Variants in LAMA5 observed in about 807,000 individuals in gnomAD.
LAMA5 encodes the protein laminin subunit alpha 5.
A neutral mutation model predicts 433.4 loss-of-function variants in LAMA5; 260 were observed. The ratio of observed to expected loss-of-function variants is 0.60; its 90% CI spans 0.54 to 0.66. The LOEUF (loss-of-function observed/expected upper bound fraction) is 0.66. Ranked by LOEUF, LAMA5 falls within the 30% of genes least tolerant of loss-of-function variation. The probability of loss-of-function intolerance (pLI) is 0.00; values close to 1 mark genes in which losing one functional copy is unlikely to be tolerated. For synonymous variants in LAMA5, 2,620 were observed against 2,226.6 expected (o/e 1.18, Z -4.97); for missense variants, 5,378 against 5,258.5 (o/e 1.02, Z -0.70).
rs146293440 is a variant in LAMA5, at chr20:62,325,420, G to A, written c.5425C>T (p.Arg1809Cys). ...FSQISSAVFLRRVALEVASPA... is the reference protein window; with the variant it reads ...FSQISSAVFLCRVALEVASPA... The stretch of plus-strand genomic sequence containing the variant: ...CTGGCCACCTCCAGTGCCACCCTGC[G>A]CAGGAAGACAGCCGAGGAGATCTGT... Residue 1809 changes from arginine (R) to cysteine (C), a missense_variant, in exon 41 of 80, where the codon CGC (arginine) becomes TGC (cysteine). Physicochemically the swap from Arg to Cys is radical, Grantham distance 180. Coordinates refer to ENST00000252999, the MANE Select transcript of LAMA5 (RefSeq NM_005560.6). 313 of 1,612,256 alleles carry A rather than the reference G, an allele frequency of 1.9e-4. No individual in the cohort carries two copies. Among genetic ancestry groups the A allele is most frequent in the South Asian group, 1.4e-3 (124 of 91,044 alleles).
chr20:62,329,969 C>T, intron 31 of LAMA5, 53 bp from the exon 32 acceptor site: 1 of 1,588,936 alleles, frequency 6.3e-7, no homozygotes, highest in Non-Finnish European at 8.5e-7. Context: ...GCCCCCAAGA[C>T]ACCCAGAGGG....
chr20:62,322,733 T>G lies in LAMA5; in HGVS notation c.6090A>C (p.Thr2030=). 1 of 1,525,150 alleles carries G rather than the reference T, an allele frequency of 6.6e-7. No individual in the cohort carries two copies. The highest frequency in any genetic ancestry group is 8.8e-7 in the Non-Finnish European group (1 of 1,137,740). 94.5% of individuals were successfully genotyped at this position (1,525,150 alleles called of 1,614,324 possible). Residue 2030 remains threonine (T), a synonymous_variant, in exon 46 of 80, where the codon ACA becomes ACC. Transcript: ENST00000252999. ...GCCCGCTGTGGGGGTCGCAGGCCTC[T>G]GTCCCACATGGGGTACAGTCGCACC... ...CTRCDCTPCG[T]EACDPHSGHC... is the part of the protein sequence containing the mutation.
intron 6 of LAMA5, among the ~76,000 whole-genome samples, chr20:62,348,863 T>C (rs1983761003): frequency 6.6e-6 from 1 of 151,582 alleles, no homozygotes; most frequent in Admixed American, 6.6e-5. Context: ...GAAATAGAAA[T>C]TATGAGAAGG....
chr20:62,327,176 T>C, intron 38 of LAMA5, 57 bp downstream of exon 38: 2 of 1,431,848 alleles, frequency 1.4e-6, no homozygotes, highest in African/African-American at 1.4e-5. Context: ...CTCCCAACCC[T>C]CTCAGGCGTC....
Position 62,313,163 on chromosome 20 carries a change from G to A in LAMA5, c.8880C>T (p.Ile2960=). ...CCTGCTCGAAGCGCTTGGTGGTGCT[G>A]ATCTGACTGTCGAAGCTGATGCGGG... ...GFARISFDSQ[I]STTKRFEQEL... is the part of the protein sequence containing the mutation. Residue 2960 remains isoleucine (I), a synonymous_variant, in exon 65 of 80, where the codon ATC becomes ATT. Transcript: ENST00000252999. The A allele has an allele frequency of 6.2e-7, 1 of 1,600,046 alleles. No homozygotes were observed. Among genetic ancestry groups the A allele is most frequent in the Middle Eastern group, 1.7e-4 (1 of 6,046 alleles).
chr20:62,324,284 C>T lies in LAMA5; in HGVS notation c.5644-80G>A. ...GTCTGTGCAGCTCCCACCACCCCTG[C>T]CTCAGACTCTGTGCCCAAGGCCAGA... On this transcript the variant is annotated intron_variant, in intron 42 of 79. Coordinates refer to ENST00000252999, the MANE Select transcript of LAMA5 (RefSeq NM_005560.6). This position sits in a 1 kb window ranked among gnomAD's most constrained non-coding sequence, Gnocchi z 4.4. 1 of 1,537,620 alleles carries T rather than the reference C, an allele frequency of 6.5e-7. No homozygotes were observed. Among genetic ancestry groups the T allele is most frequent in the South Asian group, 1.2e-5 (1 of 83,686 alleles).
In LAMA5 at chr20:62,315,080, C is replaced by G. The variant is rs1422274153; in HGVS notation, c.7995G>C (p.Glu2665Asp). The change falls in exon 59 of 80, where the codon GAG becomes GAC. Residue 2665 changes from glutamate to aspartate, a missense_variant. Physicochemically the swap from Glu to Asp is conservative, Grantham distance 45 (BLOSUM62 2). Transcript: ENST00000252999. ...GGCCCAGGTCCTGGCCCCGCAGGCCCTCGTACTGGCCCTGCCACCGCTCCA... is the reference window on the plus strand; with the variant it reads ...GGCCCAGGTCCTGGCCCCGCAGGCCGTCGTACTGGCCCTGCCACCGCTCCA... ...ENVERWQGQY[E>D]GLRGQDLGQA... The G allele has an allele frequency of 3.1e-6, 5 of 1,603,448 alleles. No individual in the cohort carries two copies. Among genetic ancestry groups the G allele is most frequent in the Non-Finnish European group, 4.2e-6 (5 of 1,179,548 alleles).
rs768661825 is a variant in LAMA5 at position 62,338,631 on chromosome 20, G to C, written c.1478-23C>G. On this transcript the variant is annotated intron_variant, in intron 11 of 79. Coordinates refer to ENST00000252999, the MANE Select transcript of LAMA5 (RefSeq NM_005560.6). ...AATCTGGAGGGTGGGGACAGGCAGGGGAGTCTCAGATGCCCTGCAGACCCC... is the reference window on the plus strand; with the variant it reads ...AATCTGGAGGGTGGGGACAGGCAGGCGAGTCTCAGATGCCCTGCAGACCCC... 1.9e-6 allele frequency: 3 copies of C among 1,598,142 alleles called. No homozygotes were observed. The Admixed American group carries it at 5.1e-5, about 27-fold the overall frequency.
chr20:62,314,976 C>A, intron 59 of LAMA5, 29 bp from the exon 60 acceptor site: 1 of 1,578,728 alleles, frequency 6.3e-7, no homozygotes, highest in Non-Finnish European at 8.6e-7. Flanking sequence ...GAGACCTTTG[C>A]CCCCCACCGT....
chr20:62,311,816 T>TTGGGCGCCC, intron 70 of LAMA5, 32 bp from the exon 71 acceptor site: 1 of 1,521,012 alleles, frequency 6.6e-7, no homozygotes, highest in Non-Finnish European at 8.9e-7. Flanking sequence ...GCTCGGTTTT[T>TTGGGCGCCC]CCCCACCCTG....
chr20:62,362,346 C>T (rs1986227684), intron 2 of LAMA5, 54 bp downstream of exon 2: 9 of 1,395,996 alleles, frequency 6.4e-6, no homozygotes, highest in Admixed American at 2.8e-5. Context: ...AAGGTAGGCC[C>T]GACGGGCACA....
At chr20:62,358,120 G>A (rs1985508172) in intron 2 of LAMA5, among the ~76,000 whole-genome samples, 1 of 152,224 alleles carries the variant, frequency 6.6e-6, no homozygotes, top group African/African-American at 2.4e-5. Flanking sequence ...TGGGTGCTGG[G>A]GCATCTCTGT....
chr20:62,351,618 C>A, intron 6 of LAMA5, 86 bp downstream of exon 6: 1 of 1,338,718 alleles, frequency 7.5e-7, no homozygotes, highest in South Asian at 1.2e-5. Flanking sequence ...GGTCACCCAC[C>A]CTCAGGTTAG....
In LAMA5 at chr20:62,347,041, C is replaced by T. The variant is rs770905027; in HGVS notation, c.957-13G>A. On this transcript the variant is annotated splice_polypyrimidine_tract_variant and intron_variant, in intron 6 of 79. Transcript: ENST00000252999. ...GGTGCACTGCAGCCTGTGGGGTACACAGGAGGGGGGATCAGGCCCATCCTG... is the reference window on the plus strand; with the variant it reads ...GGTGCACTGCAGCCTGTGGGGTACATAGGAGGGGGGATCAGGCCCATCCTG... The T allele has an allele frequency of 5.2e-5, 83 of 1,604,784 alleles. No individual in the cohort carries two copies. The East Asian group carries it at 1.8e-3, about 35-fold the overall frequency.
chr20:62,338,704 TAC>T, intron 11 of LAMA5, 96 bp from the exon 12 acceptor site: 1 of 1,203,710 alleles, frequency 8.3e-7, no homozygotes, highest in Non-Finnish European at 1.1e-6. Context: ...CTCATTTTCT[TAC>T]ACTTTTACAC....
rs748850526 is a variant in LAMA5 at position 62,317,316 on chromosome 20, C to T, written c.7511+29G>A. 5.1e-6 allele frequency: 8 copies of T among 1,581,388 alleles called. No homozygotes were observed. In the Middle Eastern group the frequency reaches 1.2e-3, roughly 246 times the overall value. ...CCCTGTCTGCATCCCCAGGGTGGGC[C>T]CAGGGCCCCTCCTCTCCTGGCCACC... On this transcript the variant is annotated intron_variant, in intron 55 of 79. Coordinates refer to ENST00000252999, the MANE Select transcript of LAMA5 (RefSeq NM_005560.6).
rs1282070575 is a variant in LAMA5, at chr20:62,312,389, G to T, written c.9360+11C>A. 2 of 1,599,148 alleles carry T rather than the reference G, an allele frequency of 1.3e-6. No individual in the cohort carries two copies. Among genetic ancestry groups the T allele is most frequent in the African/African-American group, 2.7e-5 (2 of 74,904 alleles). ...ACAGATGCCACCCCCAGCCCGGGGA[G>T]GGCTGCTCACCAGCAGGTCGGCGGT... On this transcript the variant is annotated intron_variant, in intron 68 of 79. Coordinates refer to ENST00000252999, the MANE Select transcript of LAMA5 (RefSeq NM_005560.6).
At chr20:62,318,725 C>G (rs1039686780) in intron 52 of LAMA5, 75 bp from the exon 53 acceptor site, 4 of 1,573,212 alleles carry the variant, frequency 2.5e-6, no homozygotes, top group Middle Eastern at 1.8e-4. Context: ...CACTTGGTGC[C>G]CGCCAGATCC....
rs116309482 is a variant in LAMA5, at chr20:62,329,040, G to A, written c.4251C>T (p.Ser1417=). 1,739 of 1,612,756 alleles carry A rather than the reference G, an allele frequency of 1.1e-3. 17 individuals are homozygous for A. In the African/African-American group the frequency reaches 0.021, roughly 20 times the overall value. ...AAGCAGCAGCGTTTCGGCAGAACAG[G>A]GATGAGCTGCTGGGGCTACATGGAG... ...QGYHISPSSS[S]LFCRNAAASL... is the part of the protein sequence containing the mutation. Residue 1417 remains serine, a synonymous_variant, in exon 34 of 80, where the codon TCC becomes TCT. Coordinates refer to ENST00000252999, the MANE Select transcript of LAMA5 (RefSeq NM_005560.6).
Sources: gnomAD v4.1 joint callset for allele counts (sites outside exome capture counted in the v4.1 genomes callset) on GRCh38, gnomAD v4.1.1 for gene constraint, Gnocchi (gnomAD v3.1) non-coding constraint, MANE v1.5 for transcripts, NCBI Gene and HGNC (gene_info 2026-07-23, HGNC 2026-07-21) for gene names.